CTNNA3: variants seen among roughly 807,000 people sequenced by gnomAD.
CTNNA3 encodes catenin alpha 3, also known as catenin alpha-3.
A neutral mutation model predicts 95.7 loss-of-function variants in CTNNA3; 76 were observed. The observed-to-expected ratio is 0.79, with a 90% confidence interval of 0.66 to 0.96. The LOEUF is 0.96. Ranked by LOEUF, CTNNA3 falls within the 40% of genes least tolerant of loss-of-function variation. CTNNA3 has a pLI of 0.00. For synonymous variants in CTNNA3, 431 were observed against 374.4 expected (o/e 1.15, Z -1.74); for missense variants, 1,191 against 1,089.8 (o/e 1.09, Z -1.31).
At chr10:66,709,040 C>T (rs886357918) in intron 9 of CTNNA3, among the ~76,000 whole-genome samples, 7 of 152,186 alleles carry the variant, frequency 4.6e-5, no homozygotes, top group Admixed American at 1.3e-4. Context: ...GTCTAGGCCC[C>T]GTAAAGACCA....
intron 1 of CTNNA3, among the ~76,000 whole-genome samples, chr10:67,721,426 C>T (rs544977232): frequency 3.1e-4 from 47 of 151,944 alleles, no homozygotes; most frequent in African/African-American, 1.1e-3. Context: ...TCTCTGATAT[C>T]CTTTCTTCCA....
chr10:66,345,152 CA>C (rs2092495284), intron 12 of CTNNA3, among the ~76,000 whole-genome samples: 1 of 151,946 alleles, frequency 6.6e-6, no homozygotes, highest in Admixed American at 6.6e-5. Flanking sequence ...TTCTGAACTA[CA>C]AATGCTGCTG....
At chr10:66,940,779 T>C (rs2132678359) in intron 7 of CTNNA3, among the ~76,000 whole-genome samples, 1 of 152,162 alleles carries the variant, frequency 6.6e-6, no homozygotes, top group Non-Finnish European at 1.5e-5. Context: ...CACTGACTGG[T>C]TTAAACAAAA....
In CTNNA3 at chr10:66,094,859, C is replaced by T. The variant is rs558695346; in HGVS notation, c.1977+8298G>A. Among the ~76,000 whole-genome samples the T allele has an allele frequency of 1.9e-4, 29 of 152,146 alleles. No homozygotes were observed. The South Asian group carries it at 4.8e-3, about 25-fold the overall frequency. On this transcript the variant is annotated intron_variant, in intron 14 of 17. Transcript: ENST00000433211. The stretch of plus-strand genomic sequence containing the variant: ...GATAGTGGAGATGGTGAAAAATGGA[C>T]AAGTTCAGAAAATACTTAGAAGAGA...
chr10:66,047,730 C>A (rs2105699), intron 15 of CTNNA3, among the ~76,000 whole-genome samples: 17,936 of 151,942 alleles, frequency 0.12, 1,271 homozygotes, highest in Non-Finnish European at 0.16. Flanking sequence ...TCTAGAAAAC[C>A]CCAAAGTGTC....
At chr10:66,659,185 C>G (rs77606662) in intron 9 of CTNNA3, among the ~76,000 whole-genome samples, 4 of 130,136 alleles carry the variant, frequency 3.1e-5, no homozygotes, top group East Asian at 2.9e-4. Context: ...TAAGAAAACA[C>G]ACACACACAC....
intron 7 of CTNNA3, among the ~76,000 whole-genome samples, chr10:66,873,426 G>A (rs955299598): frequency 2.0e-5 from 3 of 151,736 alleles, no homozygotes; most frequent in Non-Finnish European, 4.4e-5. Context: ...GTGTGAGATG[G>A]TGTCTCATTG....
intron 11 of CTNNA3, among the ~76,000 whole-genome samples, chr10:66,443,995 G>A (rs895843630): frequency 6.6e-6 from 1 of 152,128 alleles, no homozygotes; most frequent in Non-Finnish European, 1.5e-5. Context: ...TGATGGAGTT[G>A]AAAGCCAAGG....
At chr10:65,971,488 A>G (rs925017398) in intron 16 of CTNNA3, among the ~76,000 whole-genome samples, 1 of 151,754 alleles carries the variant, frequency 6.6e-6, no homozygotes, top group Admixed American at 6.6e-5. Flanking sequence ...TATAAAAGTG[A>G]CATTGCAACC....
chr10:67,145,381 G>C (rs1306053176), intron 7 of CTNNA3, among the ~76,000 whole-genome samples: 1 of 151,836 alleles, frequency 6.6e-6, no homozygotes, highest in Non-Finnish European at 1.5e-5. Flanking sequence ...AGTAGGTGTG[G>C]AAACCTTGGT....
intron 15 of CTNNA3, among the ~76,000 whole-genome samples, chr10:65,989,190 C>G (rs1044767383): frequency 6.6e-6 from 1 of 152,182 alleles, no homozygotes; most frequent in Non-Finnish European, 1.5e-5. Context: ...CCACCCGCCT[C>G]GGCCTCCCAA....
In CTNNA3 at chr10:67,735,146, A is replaced by ACACAC. The variant is rs1564843090; in HGVS notation, c.-2+28287_-2+28288insGTGTG. 3.3e-3 allele frequency among the ~76,000 whole-genome samples: 284 copies of ACACAC among 85,866 alleles called. 1 individual carries two copies. The highest frequency in any genetic ancestry group is 8.7e-3 in the African/African-American group (145 of 16,660). 56.3% of individuals were successfully genotyped at this position (85,866 alleles called of 152,430 possible). A position where few individuals can be genotyped will look rare whatever the true frequency, so the allele number is the denominator to read the frequency against. On this transcript the variant is annotated intron_variant, in intron 1 of 17. Transcript: ENST00000684154. ...AAGTGAGCACACACACACACACACAAACACACACACACACACACACACACA... is the reference window on the plus strand; with the variant it reads ...AAGTGAGCACACACACACACACACAACACACACACACACACACACACACACACACA...
intron 5 of CTNNA3, among the ~76,000 whole-genome samples, chr10:67,299,450 C>T (rs117187268): frequency 0.013 from 1,910 of 152,252 alleles, 21 homozygotes; most frequent in Non-Finnish European, 0.022. Flanking sequence ...CATTTAGAGT[C>T]TCTGGGGATC....
chr10:67,206,721 C>T (rs1390618056), intron 6 of CTNNA3, among the ~76,000 whole-genome samples: 3 of 150,606 alleles, frequency 2.0e-5, no homozygotes, highest in Non-Finnish European at 4.4e-5. Context: ...AGAGCCTGCA[C>T]CTGATTCTAG....
intron 1 of CTNNA3, among the ~76,000 whole-genome samples, chr10:67,721,492 G>A (rs543183673): frequency 6.6e-6 from 1 of 152,164 alleles, no homozygotes; most frequent in East Asian, 1.9e-4. Context: ...CTCGTGCTGT[G>A]TTTTTCAGCT....
chr10:66,641,046 C>G (rs986382599), intron 9 of CTNNA3, among the ~76,000 whole-genome samples: 1 of 152,014 alleles, frequency 6.6e-6, no homozygotes, highest in African/African-American at 2.4e-5. Flanking sequence ...AATTAAGGAA[C>G]CACTCTATCT....
intron 14 of CTNNA3, among the ~76,000 whole-genome samples, chr10:66,073,359 C>T (rs2080481261): frequency 6.6e-6 from 1 of 152,142 alleles, no homozygotes; most frequent in African/African-American, 2.4e-5. Flanking sequence ...TATAGGTCAG[C>T]TACGCTACTT....
chr10:66,475,343 T>C (rs556769143), intron 11 of CTNNA3, among the ~76,000 whole-genome samples: 15 of 152,146 alleles, frequency 9.9e-5, no homozygotes, highest in African/African-American at 3.4e-4. Flanking sequence ...AAATGCTTTA[T>C]GATATTGGGG....
chr10:66,360,662 C>CTTTCTTT (rs1564896285), intron 12 of CTNNA3, among the ~76,000 whole-genome samples: 14 of 26,826 alleles, frequency 5.2e-4, no homozygotes, highest in Admixed American at 1.4e-3. Flanking sequence ...TTTCTTTCTT[C>CTTTCTTT]CTTCCTTCCT....
Sources: gnomAD v4.1 joint callset for allele counts (sites outside exome capture counted in the v4.1 genomes callset) on GRCh38, gnomAD v4.1.1 for gene constraint, MANE v1.5 for transcripts, NCBI Gene and HGNC (gene_info 2026-07-23, HGNC 2026-07-21) for gene names.